KIF26B: variants seen among roughly 807,000 people sequenced by gnomAD.
KIF26B encodes the protein kinesin-like protein KIF26B.
In KIF26B, 63 loss-of-function variants were observed where a neutral mutation model predicts 151.2. The ratio of observed to expected loss-of-function variants is 0.42; its 90% CI spans 0.34 to 0.51. The LOEUF (loss-of-function observed/expected upper bound fraction) is 0.51, where lower values mean the gene tolerates loss of function less well. Among genes scored for constraint, KIF26B ranks in the 20% least tolerant of loss-of-function variants. The pLI is 0.07. For synonymous variants in KIF26B, 1,357 were observed against 1,262.1 expected, an observed-to-expected ratio of 1.08 and a Z score of -1.59; for missense variants, 2,813 against 2,913.6, an observed-to-expected ratio of 0.97 and a Z score of 0.79.
chr1:245,600,895 G>T (rs2043389158), intron 5 of KIF26B, among the ~76,000 whole-genome samples: 1 of 152,180 alleles, frequency 6.6e-6, no homozygotes, highest in Non-Finnish European at 1.5e-5. Context: ...GGAGGCAGCA[G>T]CTGGCATGAT....
Position 245,572,164 on chromosome 1 carries a change from C to G in KIF26B, c.1351-30413C>G, listed in dbSNP as rs982467798. On this transcript the variant is annotated intron_variant, in intron 5 of 14. Coordinates refer to ENST00000407071, the MANE Select transcript of KIF26B (RefSeq NM_018012.4). The surrounding 1 kb of genome is among the most constrained non-coding windows in gnomAD (Gnocchi z 4.2). ...ACCTGCCCCAACAGAGACAGGCTGA[C>G]TCTTACTACGTGGCCGTAGGAATGG... Among the ~76,000 whole-genome samples, 7 of 152,334 alleles carry G rather than the reference C, an allele frequency of 4.6e-5. No individual in the cohort carries two copies. The South Asian group carries it at 6.2e-4, about 14-fold the overall frequency.
chr1:245,293,416 C>T (rs1048246914), intron 2 of KIF26B, among the ~76,000 whole-genome samples: 1 of 152,006 alleles, frequency 6.6e-6, no homozygotes, highest in Non-Finnish European at 1.5e-5. Context: ...GTGGACTCTG[C>T]TCCTGACACA....
chr1:245,220,659 T>C (rs980901830), intron 2 of KIF26B, among the ~76,000 whole-genome samples: 1 of 152,238 alleles, frequency 6.6e-6, no homozygotes, highest in Non-Finnish European at 1.5e-5. Flanking sequence ...CATTAAATAC[T>C]GTCTCTTTCA....
intron 4 of KIF26B, among the ~76,000 whole-genome samples, chr1:245,515,206 A>G (rs1660925806): frequency 6.6e-6 from 1 of 152,150 alleles, no homozygotes; most frequent in Admixed American, 6.5e-5. Flanking sequence ...CCGGTCCCTC[A>G]GCACGACGGG....
chr1:245,431,915 C>T (rs749309524), intron 4 of KIF26B, among the ~76,000 whole-genome samples: 1 of 152,168 alleles, frequency 6.6e-6, no homozygotes, highest in Non-Finnish European at 1.5e-5. Context: ...CTTCCTCTGC[C>T]ATGTTCCCAC....
intron 2 of KIF26B, among the ~76,000 whole-genome samples, chr1:245,246,900 C>CAG (rs1324313510): frequency 2.7e-5 from 4 of 145,636 alleles, no homozygotes; most frequent in Non-Finnish European, 3.1e-5. Flanking sequence ...CACAGACACA[C>CAG]ACACACAGAC....
intron 10 of KIF26B, among the ~76,000 whole-genome samples, chr1:245,681,452 A>G (rs1005589107): frequency 5.3e-5 from 8 of 151,768 alleles, no homozygotes; most frequent in Non-Finnish European, 7.4e-5. Flanking sequence ...CTCATGATCC[A>G]CCCACCTCGG....
At position 245,280,597 on chromosome 1, in the gene KIF26B, G is replaced by T. The variant is rs1215820586; in HGVS notation, c.466-86237G>T. On this transcript the variant is annotated intron_variant, in intron 2 of 14. Transcript: ENST00000407071. ...GAAAAGGGGTCCTTGGGAAGTTTTC[G>T]TTTTTTTTTTTTTTTTTTTTTTATA... 9.6e-4 allele frequency among the ~76,000 whole-genome samples: 100 copies of T among 104,474 alleles called. 2 individuals carry two copies. The East Asian group carries it at 0.017, about 18-fold the overall frequency. 68.5% of individuals were successfully genotyped at this position (104,474 alleles called of 152,430 possible). A position where few individuals can be genotyped will look rare whatever the true frequency, so the allele number is the denominator to read the frequency against.
At chr1:245,396,706 T>C (rs1022942618) in intron 3 of KIF26B, among the ~76,000 whole-genome samples, 3 of 152,108 alleles carry the variant, frequency 2.0e-5, no homozygotes, top group African/African-American at 7.2e-5. Flanking sequence ...CTATGAACCA[T>C]GAATATAGAT....
rs563863934 is a variant in KIF26B, at chr1:245,341,794, C to T, written c.466-25040C>T. 2.2e-3 allele frequency among the ~76,000 whole-genome samples: 342 copies of T among 152,312 alleles called. 4 individuals are homozygous for T. Among genetic ancestry groups the T allele is most frequent in the African/African-American group, 8.0e-3 (332 of 41,566 alleles). On this transcript the variant is annotated intron_variant, in intron 2 of 14. Transcript: ENST00000407071. ...ATCTGTGTCTCACTTCCTAAGCAGG[C>T]TGGTGGGCAGGGAGGGTCACCAGTT... is the stretch of plus-strand genomic sequence containing the variant.
At chr1:245,302,445 G>C (rs1367906989) in intron 2 of KIF26B, among the ~76,000 whole-genome samples, 2 of 152,194 alleles carry the variant, frequency 1.3e-5, no homozygotes. Flanking sequence ...ATAGCATCCA[G>C]TTTTATGCAA....
rs142915730 is a variant in KIF26B, at chr1:245,686,095, G to A, written c.3112G>A (p.Val1038Met). Residue 1038 changes from valine (V) to methionine (M), a missense_variant, in exon 12 of 15, where the codon GTG (valine) becomes ATG (methionine). Val to Met is a conservative substitution (Grantham distance 21). Around this residue, in one of 3 missense-constraint regions of KIF26B, gnomAD observed 2,060 missense variants for 2,088.6 expected, o/e 0.99. Coordinates refer to ENST00000407071, the MANE Select transcript of KIF26B (RefSeq NM_018012.4). The surrounding 1 kb of genome is among the most constrained non-coding windows in gnomAD (Gnocchi z 5.6). ...TAGCCAGCACAGCGCCTCCCCACTCGTGCAGAGCCCCAGCCTCCAGAGCAG... is the reference window on the plus strand; with the variant it reads ...TAGCCAGCACAGCGCCTCCCCACTCATGCAGAGCCCCAGCCTCCAGAGCAG... ...SSSQHSASPLVQSPSLQSSRE... is the reference protein window; with the variant it reads ...SSSQHSASPLMQSPSLQSSRE... 149 of 1,605,850 alleles carry A rather than the reference G, an allele frequency of 9.3e-5. No homozygotes were observed. The African/African-American group carries it at 1.6e-3, about 17-fold the overall frequency.
rs1372877246 is a variant in KIF26B at position 245,688,138 on chromosome 1, C to T, written c.5155C>T (p.Pro1719Ser). 3.8e-6 allele frequency: 6 copies of T among 1,590,224 alleles called. No individual in the cohort carries two copies. The highest frequency in any genetic ancestry group is 3.3e-4 in the Middle Eastern group (2 of 6,030). The change falls in exon 12 of 15, where the codon CCC becomes TCC. Residue 1719 changes from proline (P) to serine (S), a missense_variant. This residue lies in a region of KIF26B where 2,060 missense variants were observed against 2,088.6 expected (regional missense o/e 0.99). Transcript: ENST00000407071. ...SLGRSAGTSP[P>S]SSGASPKAGQ... Reference sequence around the variant, plus strand: ...GGGCCGCAGCGCCGGGACCTCGCCCCCCAGCTCCGGGGCCTCGCCCAAGGC... The same window carrying T: ...GGGCCGCAGCGCCGGGACCTCGCCCTCCAGCTCCGGGGCCTCGCCCAAGGC...
intron 2 of KIF26B, among the ~76,000 whole-genome samples, chr1:245,178,515 G>T (rs6661783): frequency 6.6e-6 from 1 of 151,854 alleles, no homozygotes; most frequent in Non-Finnish European, 1.5e-5. Context: ...CTTTTTAAGC[G>T]TATGGTTCAG....
intron 2 of KIF26B, among the ~76,000 whole-genome samples, chr1:245,201,896 C>T (rs559024699): frequency 6.6e-6 from 1 of 152,318 alleles, no homozygotes; most frequent in African/African-American, 2.4e-5. Flanking sequence ...TGACTTCATG[C>T]TCCAGGGAGA....
intron 10 of KIF26B, chr1:245,676,420 C>T (rs148368393): frequency 2.5e-3 from 375 of 152,304 alleles, no homozygotes; most frequent in African/African-American, 8.2e-3. Flanking sequence ...TCATTGCAAG[C>T]GAGTCTTGTT....
intron 10 of KIF26B, among the ~76,000 whole-genome samples, chr1:245,649,503 C>T (rs1188974553): frequency 6.6e-6 from 1 of 152,204 alleles, no homozygotes; most frequent in East Asian, 1.9e-4. Context: ...CATTATGCAG[C>T]ATTTTGTTAG....
At chr1:245,562,668 T>C (rs1212741508) in intron 5 of KIF26B, among the ~76,000 whole-genome samples, 1 of 149,294 alleles carries the variant, frequency 6.7e-6, no homozygotes, top group Non-Finnish European at 1.5e-5. Flanking sequence ...CCTTGGGTAG[T>C]GTGAGTTACC....
At chr1:245,679,530 G>A (rs560328702) in intron 10 of KIF26B, among the ~76,000 whole-genome samples, 4 of 132,938 alleles carry the variant, frequency 3.0e-5, no homozygotes, top group South Asian at 2.6e-4. Flanking sequence ...GTGCAGTGGC[G>A]CAATCTCGGC....
Sources: allele counts gnomAD v4.1 joint callset (sites outside exome capture counted in the v4.1 genomes callset), GRCh38; gene constraint gnomAD v4.1.1; regional missense constraint gnomAD v4.1.1; non-coding constraint Gnocchi (gnomAD v3.1); transcripts MANE v1.5; gene names NCBI Gene and HGNC (gene_info 2026-07-23, HGNC 2026-07-21).